The following SLIT2 variants were observed in gnomAD, a reference collection of about 807,000 sequenced individuals.
SLIT2 encodes slit guidance ligand 2.
A neutral mutation model predicts 185.7 loss-of-function variants in SLIT2; 41 were observed. That is an observed-to-expected ratio of 0.22 (90% CI 0.17 to 0.29). The LOEUF (loss-of-function observed/expected upper bound fraction) is 0.29. Among genes scored for constraint, SLIT2 ranks in the 10% least tolerant of loss-of-function variants. The probability of loss-of-function intolerance (pLI) is 1.00; values close to 1 mark genes in which losing one functional copy is unlikely to be tolerated. For missense variants in SLIT2, 1,571 were observed against 1,909.0 expected (o/e 0.82, Z 3.30); for synonymous variants, 693 against 680.2 (o/e 1.02, Z -0.29).
intron 4 of SLIT2, among the ~76,000 whole-genome samples, chr4:20,367,884 T>C (rs1560358947): frequency 1.3e-5 from 2 of 152,118 alleles, no homozygotes. Flanking sequence ...AGTCCATTCT[T>C]ACAGGGGTAA....
intron 4 of SLIT2, among the ~76,000 whole-genome samples, chr4:20,420,756 G>C (rs961518272): frequency 2.6e-5 from 4 of 152,054 alleles, no homozygotes; most frequent in Non-Finnish European, 4.4e-5. Flanking sequence ...TTTAGAGGGG[G>C]GTACTTGGGA....
At chr4:20,393,504 A>G (rs781687526) in intron 4 of SLIT2, 7 of 151,978 alleles carry the variant, frequency 4.6e-5, no homozygotes, top group Non-Finnish European at 8.8e-5. Context: ...AGAAATCTTT[A>G]ATATCTTTAA....
intron 5 of SLIT2, among the ~76,000 whole-genome samples, chr4:20,470,535 A>AGTGTGTGTGTG (rs1714877065): frequency 1.0e-5 from 1 of 99,718 alleles, no homozygotes; most frequent in Non-Finnish European, 2.1e-5. Flanking sequence ...TGTGTGTGTA[A>AGTGTGTGTGTG]TGTAAGGGAT....
rs549353352 is a variant in SLIT2, at chr4:20,573,889, C to T, written c.3088+4885C>T. Reference sequence around the variant, plus strand: ...TAATTATTGGCGTCAATATGGGCCACCAGGCTCCCAAAATACATCAGGGCC... The same window carrying T: ...TAATTATTGGCGTCAATATGGGCCATCAGGCTCCCAAAATACATCAGGGCC... On this transcript the variant is annotated intron_variant, in intron 29 of 36. Coordinates refer to ENST00000504154, the MANE Select transcript of SLIT2 (RefSeq NM_004787.4). 1.4e-3 allele frequency among the ~76,000 whole-genome samples: 214 copies of T among 151,954 alleles called. 1 individual carries two copies. Among genetic ancestry groups the T allele is most frequent in the African/African-American group, 4.8e-3 (199 of 41,456 alleles).
chr4:20,319,180 T>C (rs1718840581), intron 4 of SLIT2, among the ~76,000 whole-genome samples: 1 of 152,198 alleles, frequency 6.6e-6, no homozygotes, highest in Non-Finnish European at 1.5e-5. Flanking sequence ...GTACCTAACA[T>C]AGAATTAGAT....
chr4:20,306,919 AT>A (rs910329684), intron 4 of SLIT2, among the ~76,000 whole-genome samples: 48 of 152,214 alleles, frequency 3.2e-4, no homozygotes, highest in African/African-American at 9.6e-4. Context: ...TCTTAAAAAA[AT>A]ATATATAAAT....
chr4:20,457,158 A>T lies in SLIT2; in HGVS notation c.396-10594A>T, dbSNP rs114711736. On this transcript the variant is annotated intron_variant, in intron 4 of 36. Coordinates refer to ENST00000504154, the MANE Select transcript of SLIT2 (RefSeq NM_004787.4). ...AATCATTGATGGGCATTTTAATTTC[A>T]TGTTTTATTGACCACAACCAGGCAT... Among the ~76,000 whole-genome samples, 457 of 152,130 alleles carry T rather than the reference A, an allele frequency of 3.0e-3. 2 individuals carry two copies. The highest frequency in any genetic ancestry group is 9.5e-3 in the African/African-American group (393 of 41,516).
intron 4 of SLIT2, among the ~76,000 whole-genome samples, chr4:20,451,782 A>AAAACT (rs1247991259): frequency 3.5e-4 from 54 of 152,208 alleles, no homozygotes; most frequent in Middle Eastern, 3.2e-3. Context: ...CTTACACAGC[A>AAAACT]AAACTGTGTC....
At chr4:20,476,238 C>T (rs1236837292) in intron 5 of SLIT2, among the ~76,000 whole-genome samples, 1 of 152,036 alleles carries the variant, frequency 6.6e-6, no homozygotes, top group East Asian at 1.9e-4. Context: ...GAAGTTTATA[C>T]ACATATGGAA....
intron 18 of SLIT2, among the ~76,000 whole-genome samples, chr4:20,538,862 C>T (rs1287032432): frequency 6.6e-6 from 1 of 150,960 alleles, no homozygotes; most frequent in East Asian, 1.9e-4. Context: ...ACCGTTGCCT[C>T]TTTTTAAGTT....
At chr4:20,310,305 A>G (rs1717987666) in intron 4 of SLIT2, among the ~76,000 whole-genome samples, 1 of 152,180 alleles carries the variant, frequency 6.6e-6, no homozygotes, top group South Asian at 2.1e-4. Context: ...ACAAACCTGG[A>G]TGAAACATTA....
chr4:20,286,186 T>C (rs971349399), intron 4 of SLIT2, among the ~76,000 whole-genome samples: 2 of 152,184 alleles, frequency 1.3e-5, no homozygotes, highest in Non-Finnish European at 2.9e-5. Context: ...CACTATACAA[T>C]GTGTAATCCT....
In SLIT2 at chr4:20,252,317, C is replaced by G. The variant is rs552438872; in HGVS notation, c.-1499C>G. Among the ~76,000 whole-genome samples the G allele has an allele frequency of 2.6e-5, 4 of 152,310 alleles. No individual in the cohort carries two copies. In the South Asian group the frequency reaches 8.3e-4, roughly 32 times the overall value. Reference sequence around the variant, plus strand: ...GGGGCTCCGGAGTCGGCAGAGCCACCGAGTCCCCGCTCTGAGTCGTCGCCC... The same window carrying G: ...GGGGCTCCGGAGTCGGCAGAGCCACGGAGTCCCCGCTCTGAGTCGTCGCCC... On this transcript the variant is annotated 5_prime_UTR_variant, in exon 1 of 37. Coordinates refer to ENST00000504154, the MANE Select transcript of SLIT2 (RefSeq NM_004787.4).
At chr4:20,275,233 T>C (rs1714048682) in intron 4 of SLIT2, among the ~76,000 whole-genome samples, 1 of 152,168 alleles carries the variant, frequency 6.6e-6, no homozygotes, top group Non-Finnish European at 1.5e-5. Flanking sequence ...CAATTTACTT[T>C]CTATCTTAAG....
chr4:20,527,152 C>T (rs550329415), intron 15 of SLIT2, among the ~76,000 whole-genome samples: 1 of 152,206 alleles, frequency 6.6e-6, no homozygotes, highest in South Asian at 2.1e-4. Flanking sequence ...AGGATTAATC[C>T]AAATGTTGTA....
chr4:20,296,848 A>G (rs1716534001), intron 4 of SLIT2, among the ~76,000 whole-genome samples: 1 of 152,212 alleles, frequency 6.6e-6, no homozygotes, highest in Non-Finnish European at 1.5e-5. Flanking sequence ...AAGTGAATGA[A>G]AGAGGATAGC....
rs182018114 is a variant in SLIT2 at position 20,609,004 on chromosome 4, A to G, written c.3693-1009A>G. 7.9e-5 allele frequency among the ~76,000 whole-genome samples: 12 copies of G among 152,278 alleles called. No homozygotes were observed. In the East Asian group the frequency reaches 2.1e-3, roughly 27 times the overall value. On this transcript the variant is annotated intron_variant, in intron 33 of 36. Transcript: ENST00000504154. ...ATGCCATGTTTTTCCTGTATAGGGA[A>G]AGGTAAGTACGTTCTTAACACTGCA...
At position 20,253,900 on chromosome 4, in the gene SLIT2, C is replaced by A. The variant is rs1351961080; in HGVS notation, c.85C>A (p.Pro29Thr). The A allele has an allele frequency of 2.5e-6, 4 of 1,601,750 alleles. No homozygotes were observed. The highest frequency in any genetic ancestry group is 3.4e-6 in the Non-Finnish European group (4 of 1,179,916). The change falls in exon 1 of 37, where the codon CCG becomes ACG. Residue 29 changes from proline (P) to threonine (T), a missense_variant. Pro to Thr is a conservative substitution (Grantham distance 38). Around this residue, in one of 3 missense-constraint regions of SLIT2, gnomAD observed 1,202 missense variants for 1,416.4 expected, o/e 0.85. Coordinates refer to ENST00000504154, the MANE Select transcript of SLIT2 (RefSeq NM_004787.4). ...ILNKVAPQAC[P>T]AQCSCSGSTV... ...GAACAAGGTGGCACCGCAGGCGTGC[C>A]CGGCGCAGTGCTCTTGCTCGGGCAG...
Position 20,472,303 on chromosome 4 carries a change from G to T in SLIT2, c.467+4480G>T, listed in dbSNP as rs1178170298. The stretch of plus-strand genomic sequence containing the variant: ...ATATATATAGATATATAGATATATA[G>T]ATCTATATATAGATATATATATCTA... On this transcript the variant is annotated intron_variant, in intron 5 of 36. Coordinates refer to ENST00000504154, the MANE Select transcript of SLIT2 (RefSeq NM_004787.4). Among the ~76,000 whole-genome samples, 198 of 30,846 alleles carry T rather than the reference G, an allele frequency of 6.4e-3. 6 individuals are homozygous for T. The highest frequency in any genetic ancestry group is 0.014 in the African/African-American group (70 of 4,984). The allele number at this position is 30,846 out of a possible 152,430, so 20.2% of individuals were successfully genotyped here. A position where few individuals can be genotyped will look rare whatever the true frequency, so the allele number is the denominator to read the frequency against.
Sources: allele counts gnomAD v4.1 joint callset (sites outside exome capture counted in the v4.1 genomes callset), GRCh38; gene constraint gnomAD v4.1.1; regional missense constraint gnomAD v4.1.1; transcripts MANE v1.5; gene names NCBI Gene and HGNC (gene_info 2026-07-23, HGNC 2026-07-21).